Variants in ZRANB1 observed in about 807,000 individuals in gnomAD.
The protein encoded by ZRANB1 is zinc finger RANBP2-type containing 1.
In ZRANB1, 16 loss-of-function variants were observed where a neutral mutation model predicts 80.5. That is an observed-to-expected ratio of 0.20 (90% confidence interval 0.13 to 0.30). The LOEUF is 0.30. Ranked by LOEUF, ZRANB1 falls within the 10% of genes least tolerant of loss-of-function variation. ZRANB1 has a pLI of 1.00. For synonymous variants in ZRANB1, 291 were observed against 293.1 expected, an observed-to-expected ratio of 0.99 and a Z score of 0.07; for missense variants, 576 against 862.6, an observed-to-expected ratio of 0.67 and a Z score of 4.16.
intron 1 of ZRANB1, among the ~76,000 whole-genome samples, chr10:124,957,172 GT>G (rs34968792): frequency 0.97 from 141,766 of 145,700 alleles, 68,983 homozygotes; most frequent in Non-Finnish European, 0.99. Flanking sequence ...AACAGCACCT[GT>G]TTTTTTTTTT....
chr10:124,923,704 C>T, the ZRANB1 span, among the ~76,000 whole-genome samples: 2 of 152,014 alleles, frequency 1.3e-5, no homozygotes, highest in East Asian at 1.9e-4. Flanking sequence ...AAAGCACCTT[C>T]ACAAGGCAGG....
rs1952040583 is a variant in ZRANB1, at chr10:124,986,296, C to CAT, written c.*1305_*1306insTA. The CAT allele has an allele frequency of 4.5e-5, 3 of 66,498 alleles. No homozygotes were observed. In the South Asian group the frequency reaches 1.9e-3, roughly 41 times the overall value. The allele number at this position is 66,498 out of a possible 1,614,324, so 4.1% of individuals were successfully genotyped here. A position where few individuals can be genotyped will look rare whatever the true frequency, so the allele number is the denominator to read the frequency against. ...ACACACGCACGCGCGCGCGCGCACA[C>CAT]ACACACACACACACACACACACACA... On this transcript the variant is annotated 3_prime_UTR_variant, in exon 9 of 9. Transcript: ENST00000359653.
Position 124,987,467 on chromosome 10 carries a change from G to A in ZRANB1, c.*2475G>A, listed in dbSNP as rs184239282. On this transcript the variant is annotated 3_prime_UTR_variant, in exon 9 of 9. Transcript: ENST00000359653. ...GCCTTTTTATGTTTTTGACTCTTAGGTTCATCGTGTCCCAGACTTCTTCAC... is the reference window on the plus strand; with the variant it reads ...GCCTTTTTATGTTTTTGACTCTTAGATTCATCGTGTCCCAGACTTCTTCAC... 2.6e-5 allele frequency: 4 copies of A among 152,182 alleles called. No homozygotes were observed. The highest frequency in any genetic ancestry group is 5.9e-5 in the Non-Finnish European group (4 of 68,016). The allele number at this position is 152,182 out of a possible 1,614,324, so 9.4% of individuals were successfully genotyped here.
At chr10:124,954,528 A>T (rs1340852833) in intron 1 of ZRANB1, among the ~76,000 whole-genome samples, 1 of 150,290 alleles carries the variant, frequency 6.7e-6, no homozygotes, top group African/African-American at 2.5e-5. Context: ...GCTCACTGCA[A>T]CCTCTACCTT....
rs1325792325 is a variant in ZRANB1 at position 124,942,922 on chromosome 10, A to G, written c.429A>G (p.Arg143=). ...SVDPCEEYND[R]NKLNTRTQHW... The stretch of plus-strand genomic sequence containing the variant: ...ATCCTTGTGAGGAATACAATGATAG[A>G]AATAAACTGAACACTAGGACACAGC... Residue 143 remains arginine (R), a synonymous_variant, in exon 1 of 9, where the codon AGA becomes AGG. Coordinates refer to ENST00000359653, the MANE Select transcript of ZRANB1 (RefSeq NM_017580.3). 4.3e-6 allele frequency: 7 copies of G among 1,614,110 alleles called. No homozygotes were observed. Among genetic ancestry groups the G allele is most frequent in the Non-Finnish European group, 5.9e-6 (7 of 1,180,054 alleles).
chr10:124,981,748 T>C lies in ZRANB1; in HGVS notation c.1467T>C (p.Ser489=), dbSNP rs772332504. The C allele has an allele frequency of 1.2e-6, 2 of 1,613,896 alleles. No individual in the cohort carries two copies. Among genetic ancestry groups the C allele is most frequent in the East Asian group, 2.2e-5 (1 of 44,860 alleles). ...GGAAAGATTGGGAATCATGGTATTC[T>C]CAGAGCTTTGGTTTACATTTTTCCT... The part of the protein sequence containing the change: ...TRWKDWESWY[S]QSFGLHFSLR... The change falls in exon 6 of 9, where the codon TCT becomes TCC. Residue 489 remains serine, a synonymous_variant. Transcript: ENST00000359653.
chr10:124,942,784 C>A lies in ZRANB1; in HGVS notation c.291C>A (p.Asn97Lys), dbSNP rs770608826. 6.2e-7 allele frequency: 1 copy of A among 1,614,198 alleles called. No individual in the cohort carries two copies. The part of the protein sequence containing the change: ...KWSCHMCTYL[N>K]WPRAIRCTQC... Reference sequence around the variant, plus strand: ...CATGCCACATGTGTACATATTTGAACTGGCCAAGAGCAATCAGATGTACCC... The same window carrying A: ...CATGCCACATGTGTACATATTTGAAATGGCCAAGAGCAATCAGATGTACCC... The change falls in exon 1 of 9, where the codon AAC becomes AAA. Residue 97 changes from asparagine to lysine, a missense_variant. Physicochemically the swap from Asn to Lys is moderately conservative, Grantham distance 94. Transcript: ENST00000359653.
chr10:124,983,707 G>T lies in ZRANB1; in HGVS notation c.1908+19G>T. Reference sequence around the variant, plus strand: ...TCAGGAGGTAAGCAGTTTCTCCTATGAACTATTTCTAGTAGTGACCTTGTA... The same window carrying T: ...TCAGGAGGTAAGCAGTTTCTCCTATTAACTATTTCTAGTAGTGACCTTGTA... On this transcript the variant is annotated intron_variant, in intron 8 of 8. Transcript: ENST00000359653. The surrounding 1 kb of genome is among the most constrained non-coding windows in gnomAD (Gnocchi z 6.2). The T allele has an allele frequency of 1.3e-6, 2 of 1,546,390 alleles. No homozygotes were observed. The highest frequency in any genetic ancestry group is 2.4e-5 in the South Asian group (2 of 85,082).
Position 124,985,992 on chromosome 10 carries a change from T to A in ZRANB1, c.*1000T>A, listed in dbSNP as rs555600565. On this transcript the variant is annotated 3_prime_UTR_variant, in exon 9 of 9. Coordinates refer to ENST00000359653, the MANE Select transcript of ZRANB1 (RefSeq NM_017580.3). Reference sequence around the variant, plus strand: ...CCAATTCACTACAGAATAAAGATTTTAAAAATGCAATAAGGTGGCAAATGC... The same window carrying A: ...CCAATTCACTACAGAATAAAGATTTAAAAAATGCAATAAGGTGGCAAATGC... The A allele has an allele frequency of 7.9e-5, 12 of 152,464 alleles. No homozygotes were observed. The highest frequency in any genetic ancestry group is 2.9e-4 in the African/African-American group (12 of 41,572). The allele number at this position is 152,464 out of a possible 1,614,324, so 9.4% of individuals were successfully genotyped here.
At chr10:124,918,468 C>T in the ZRANB1 span, among the ~76,000 whole-genome samples, 2 of 152,242 alleles carry the variant, frequency 1.3e-5, no homozygotes, top group Admixed American at 6.5e-5. Flanking sequence ...GGATTATAGG[C>T]ATGTGCCACC....
chr10:124,951,727 C>T (rs1045301758), intron 1 of ZRANB1, among the ~76,000 whole-genome samples: 1 of 152,026 alleles, frequency 6.6e-6, no homozygotes, highest in African/African-American at 2.4e-5. Flanking sequence ...GAGAGCGGGG[C>T]GGTCGGATCA....
intron 1 of ZRANB1, among the ~76,000 whole-genome samples, chr10:124,962,941 G>C (rs572295380): frequency 6.6e-6 from 1 of 152,148 alleles, no homozygotes; most frequent in African/African-American, 2.4e-5. Flanking sequence ...CATAATACAC[G>C]TTTGTTAAAT....
chr10:124,949,363 G>C (rs1314627300), intron 1 of ZRANB1, among the ~76,000 whole-genome samples: 1 of 150,630 alleles, frequency 6.6e-6, no homozygotes, highest in Non-Finnish European at 1.5e-5. Flanking sequence ...AAGGTATAGG[G>C]GGAAAAAAAT....
At chr10:124,937,743 AAC>A (rs1389805795), upstream of ZRANB1, among the ~76,000 whole-genome samples, 2 of 152,220 alleles carry the variant, frequency 1.3e-5, no homozygotes, top group Non-Finnish European at 2.9e-5. Context: ...TATAATTAAA[AAC>A]AGTTACGAAT....
chr10:124,956,647 T>G (rs998517890), intron 1 of ZRANB1, among the ~76,000 whole-genome samples: 1 of 152,118 alleles, frequency 6.6e-6, no homozygotes, highest in Admixed American at 6.6e-5. Flanking sequence ...ATATTTGTGT[T>G]TTTTAGTAAT....
the ZRANB1 span, among the ~76,000 whole-genome samples, chr10:124,928,641 A>G: frequency 6.6e-6 from 1 of 152,240 alleles, no homozygotes; most frequent in African/African-American, 2.4e-5. Flanking sequence ...TAATCTGTTC[A>G]TTGTTAAACG....
At chr10:124,919,736 C>T in the ZRANB1 span, among the ~76,000 whole-genome samples, 3,096 of 151,176 alleles carry the variant, frequency 0.02, 120 homozygotes, top group African/African-American at 0.071. Flanking sequence ...CTCATCCTCC[C>T]GAGTAGCTGG....
At chr10:124,961,653 A>G (rs1008893590) in intron 1 of ZRANB1, among the ~76,000 whole-genome samples, 5 of 152,236 alleles carry the variant, frequency 3.3e-5, no homozygotes, top group African/African-American at 1.2e-4. Context: ...AGTATAGACT[A>G]TATTTGACAT....
chr10:124,970,848 T>TA (rs1242574137), intron 2 of ZRANB1, among the ~76,000 whole-genome samples: 1 of 145,572 alleles, frequency 6.9e-6, no homozygotes, highest in East Asian at 2.0e-4. Context: ...TTTTTTTTTT[T>TA]TTTTTTTTTG....
Sources: gnomAD v4.1 joint callset for allele counts (sites outside exome capture counted in the v4.1 genomes callset) on GRCh38, gnomAD v4.1.1 for gene constraint, Gnocchi (gnomAD v3.1) non-coding constraint, MANE v1.5 for transcripts, NCBI Gene and HGNC (gene_info 2026-07-23, HGNC 2026-07-21) for gene names.